The following ATL2 variants were observed in gnomAD, a reference collection of about 807,000 sequenced individuals.
ATL2 encodes atlastin GTPase 2.
Under a neutral mutation model 73.9 loss-of-function variants are expected in ATL2, and 31 were observed. The ratio of observed to expected loss-of-function variants is 0.42; its 90% CI spans 0.32 to 0.57. ATL2 has a LOEUF of 0.57. ATL2 is among the 20% of genes least tolerant of loss of function. The pLI is 0.14. For missense variants in ATL2, 738 were observed against 702.6 expected (o/e 1.05, Z -0.57); for synonymous variants, 291 against 237.5 (o/e 1.23, Z -2.07).
intron 2 of ATL2, among the ~76,000 whole-genome samples, chr2:38,335,014 G>C (rs1669271896): frequency 1.2e-5 from 1 of 85,450 alleles, no homozygotes; most frequent in African/African-American, 3.3e-5. Context: ...ATGAGCAAAT[G>C]AACTTGTATA....
chr2:38,335,868 G>A lies in ATL2; in HGVS notation c.363+7400C>T, dbSNP rs143172175. On this transcript the variant is annotated intron_variant, in intron 2 of 12. Transcript: ENST00000378954. ...TATCTGGCTAACACAGTGAAACCCC[G>A]TCTCTACTAAAAATACAAAAAACTA... Among the ~76,000 whole-genome samples the A allele has an allele frequency of 1.6e-4, 25 of 152,138 alleles. No homozygotes were observed. The East Asian group carries it at 1.9e-3, about 12-fold the overall frequency.
chr2:38,356,702 G>T (rs1025473906), intron 1 of ATL2, among the ~76,000 whole-genome samples: 2 of 152,170 alleles, frequency 1.3e-5, no homozygotes, highest in Non-Finnish European at 2.9e-5. Flanking sequence ...ACTCATATTT[G>T]TATCCATACT....
rs187003240 is a variant in ATL2 at position 38,310,277 on chromosome 2, G to A, written c.943+32C>T. 9.3e-6 allele frequency: 15 copies of A among 1,607,276 alleles called. No individual in the cohort carries two copies. In the East Asian group the frequency reaches 3.4e-4, roughly 36 times the overall value. On this transcript the variant is annotated intron_variant, in intron 8 of 12. Coordinates refer to ENST00000378954, the MANE Select transcript of ATL2 (RefSeq NM_001135673.4). ...AAAACTTTCCACCTCTAATAAATAA[G>A]TTCAGATTTTAGCAAGAATGGGAAT...
chr2:38,360,672 G>A (rs186386708), intron 1 of ATL2, among the ~76,000 whole-genome samples: 1 of 152,202 alleles, frequency 6.6e-6, no homozygotes, highest in Admixed American at 6.5e-5. Context: ...GAGAAGTCTT[G>A]AAGAAAATCT....
At chr2:38,320,017 A>G (rs181942076) in intron 2 of ATL2, among the ~76,000 whole-genome samples, 181 of 152,272 alleles carry the variant, frequency 1.2e-3, no homozygotes, top group Non-Finnish European at 1.8e-3. Context: ...CTCAGGCAAG[A>G]GAATCACTTG....
chr2:38,344,307 TA>T (rs1438094008), intron 1 of ATL2, among the ~76,000 whole-genome samples: 42 of 152,266 alleles, frequency 2.8e-4, no homozygotes, highest in African/African-American at 9.4e-4. Flanking sequence ...TTACAAACAT[TA>T]AAAACATATA....
intron 10 of ATL2, among the ~76,000 whole-genome samples, 167 bp downstream of exon 10, chr2:38,300,105 A>C (rs1276272781): frequency 6.6e-6 from 1 of 152,202 alleles, no homozygotes; most frequent in East Asian, 1.9e-4. Context: ...TTACAAAAAA[A>C]AAATTGTATG....
intron 1 of ATL2, among the ~76,000 whole-genome samples, chr2:38,354,602 A>G (rs1044578552): frequency 2.0e-5 from 3 of 152,170 alleles, no homozygotes; most frequent in Admixed American, 6.5e-5. Flanking sequence ...TAAAAAGCCA[A>G]TAAGGGGCCA....
At chr2:38,333,519 G>C (rs1023271436) in intron 2 of ATL2, among the ~76,000 whole-genome samples, 1 of 152,156 alleles carries the variant, frequency 6.6e-6, no homozygotes, top group Admixed American at 6.5e-5. Flanking sequence ...TTTGTTGCTT[G>C]AGGTATTTTT....
At chr2:38,335,263 T>G (rs1479038947) in intron 2 of ATL2, among the ~76,000 whole-genome samples, 1 of 152,064 alleles carries the variant, frequency 6.6e-6, no homozygotes, top group Non-Finnish European at 1.5e-5. Flanking sequence ...CCAACAGAAT[T>G]CAGTGCTTAC....
chr2:38,321,909 C>T (rs1052365493), intron 2 of ATL2, among the ~76,000 whole-genome samples: 2 of 151,986 alleles, frequency 1.3e-5, no homozygotes, highest in Non-Finnish European at 2.9e-5. Flanking sequence ...GAGGGGGTTT[C>T]GCCACGTTGC....
chr2:38,349,982 G>C (rs1207557296), intron 1 of ATL2, among the ~76,000 whole-genome samples: 1 of 152,074 alleles, frequency 6.6e-6, no homozygotes, highest in Admixed American at 6.5e-5. Flanking sequence ...ACTAAATACA[G>C]ATAAAGTACT....
At chr2:38,299,116 G>C (rs1213623358) in intron 11 of ATL2, 140 bp downstream of exon 11, 2 of 685,692 alleles carry the variant, frequency 2.9e-6, no homozygotes, top group Non-Finnish European at 4.3e-6. Flanking sequence ...TTCCAGCAAA[G>C]ACCATAAAGG....
Position 38,295,931 on chromosome 2 carries a change from G to T in ATL2, c.*63C>A. The T allele has an allele frequency of 1.5e-6, 2 of 1,340,052 alleles. No homozygotes were observed. Among genetic ancestry groups the T allele is most frequent in the Non-Finnish European group, 1.0e-6 (1 of 977,994 alleles). The allele number at this position is 1,340,052 out of a possible 1,614,324, so 83.0% of individuals were successfully genotyped here. On this transcript the variant is annotated 3_prime_UTR_variant, in exon 13 of 13. Coordinates refer to ENST00000378954, the MANE Select transcript of ATL2 (RefSeq NM_001135673.4). ...TGTAAACTTTGGTTTATTTTTATTT[G>T]AGTTCTCATTGTACAGCAAGCATGA...
At chr2:38,349,492 G>T in intron 1 of ATL2, among the ~76,000 whole-genome samples, 1 of 126,912 alleles carries the variant, frequency 7.9e-6, no homozygotes. Flanking sequence ...ACGGACACAG[G>T]AAGGGGAACA....
chr2:38,298,193 C>G lies in ATL2; in HGVS notation c.1583G>C (p.Arg528Thr). The stretch of plus-strand genomic sequence containing the variant: ...CTGATCAATCACTGTTCCAATTTCT[C>G]TGAACTCCCCAGAGTATTTAACATA... ...WAYVKYSGEFREIGTVIDQIA... is the reference protein window; with the variant it reads ...WAYVKYSGEFTEIGTVIDQIA... The change falls in exon 12 of 13, where the codon AGA (arginine) becomes ACA (threonine). Residue 528 changes from arginine to threonine, a missense_variant. Arg to Thr is a moderately conservative substitution (Grantham distance 71). Transcript: ENST00000378954. 1 of 1,613,990 alleles carries G rather than the reference C, an allele frequency of 6.2e-7. No homozygotes were observed. The highest frequency in any genetic ancestry group is 2.2e-5 in the East Asian group (1 of 44,874).
intron 1 of ATL2, among the ~76,000 whole-genome samples, chr2:38,359,957 G>A (rs551954885): frequency 7.4e-4 from 112 of 151,628 alleles, no homozygotes; most frequent in African/African-American, 2.2e-4. Context: ...GTGAAACCCC[G>A]TCTCTACTAA....
chr2:38,363,549 C>G (rs1017233305), intron 1 of ATL2, among the ~76,000 whole-genome samples: 6 of 152,060 alleles, frequency 3.9e-5, no homozygotes, highest in Non-Finnish European at 8.8e-5. Context: ...AATTGCATAC[C>G]TTTAAAATAT....
At chr2:38,330,930 A>G (rs1030177866) in intron 2 of ATL2, among the ~76,000 whole-genome samples, 1 of 152,210 alleles carries the variant, frequency 6.6e-6, no homozygotes, top group East Asian at 1.9e-4. Flanking sequence ...ATCTTGAAAA[A>G]GAACAAAATG....
Sources: allele counts gnomAD v4.1 joint callset (sites outside exome capture counted in the v4.1 genomes callset), GRCh38; gene constraint gnomAD v4.1.1; transcripts MANE v1.5; gene names NCBI Gene and HGNC (gene_info 2026-07-23, HGNC 2026-07-21).